The following SPTB variants were observed in gnomAD, a reference collection of about 807,000 sequenced individuals.
SPTB encodes the protein spectrin beta chain, erythrocytic.
A neutral mutation model predicts 256.2 loss-of-function variants in SPTB; 45 were observed. The ratio of observed to expected loss-of-function variants is 0.18; its 90% CI spans 0.14 to 0.23. The LOEUF is 0.23. Among genes scored for constraint, SPTB ranks in the 10% least tolerant of loss-of-function variants. The pLI is 1.00. For missense variants in SPTB, 2,715 were observed against 3,040.4 expected (o/e 0.89, Z 2.52); for synonymous variants, 1,231 against 1,243.1 (o/e 0.99, Z 0.21).
chr14:64,786,535 C>T lies in SPTB; in HGVS notation c.3430G>A (p.Glu1144Lys). The part of the protein sequence containing the change: ...PEYLLLGQRL[E>K]GLDTGWNALG... Reference sequence around the variant, plus strand: ...GCATTCCAGCCAGTATCCAGGCCCTCCAGCCGCTGGCCCAGAAGCAGATAC... The same window carrying T: ...GCATTCCAGCCAGTATCCAGGCCCTTCAGCCGCTGGCCCAGAAGCAGATAC... Residue 1144 changes from glutamate to lysine, a missense_variant, in exon 16 of 36, where the codon GAG becomes AAG. Glu to Lys is a moderately conservative substitution (Grantham distance 56, BLOSUM62 1). Transcript: ENST00000644917. The surrounding 1 kb of genome is among the most constrained non-coding windows in gnomAD (Gnocchi z 5.6). The T allele has an allele frequency of 6.2e-7, 1 of 1,614,208 alleles. No individual in the cohort carries two copies. The highest frequency in any genetic ancestry group is 8.5e-7 in the Non-Finnish European group (1 of 1,180,040).
chr14:64,872,161 C>A (rs1882570575), intron 1 of SPTB, among the ~76,000 whole-genome samples: 1 of 152,158 alleles, frequency 6.6e-6, no homozygotes, highest in Admixed American at 6.6e-5. Context: ...AAAAAAATAG[C>A]CCATGGTACA....
Position 64,772,443 on chromosome 14 carries a change from C to T in SPTB, c.5553+137G>A. Reference sequence around the variant, plus strand: ...CATCTGAAAGCCACTGCTCCCAGCCCTGAGCTCCTGGCTGTCTAAGGAGGC... The same window carrying T: ...CATCTGAAAGCCACTGCTCCCAGCCTTGAGCTCCTGGCTGTCTAAGGAGGC... On this transcript the variant is annotated intron_variant, in intron 26 of 35. Transcript: ENST00000644917. This position sits in a 1 kb window ranked among gnomAD's most constrained non-coding sequence, Gnocchi z 5.4. The T allele has an allele frequency of 8.3e-7, 1 of 1,210,644 alleles. No homozygotes were observed. Among genetic ancestry groups the T allele is most frequent in the South Asian group, 1.5e-5 (1 of 67,316 alleles). 75.0% of individuals were successfully genotyped at this position (1,210,644 alleles called of 1,614,324 possible). A position where few individuals can be genotyped will look rare whatever the true frequency, so the allele number is the denominator to read the frequency against.
intron 9 of SPTB, among the ~76,000 whole-genome samples, chr14:64,798,253 T>C (rs1048761159): frequency 2.0e-5 from 3 of 152,194 alleles, no homozygotes; most frequent in East Asian, 1.9e-4. Flanking sequence ...CAGTTCCTTA[T>C]TAAGTGAGTC....
rs563587857 is a variant in SPTB, at chr14:64,822,816, G to A, written c.148+131C>T. On this transcript the variant is annotated intron_variant, in intron 2 of 35. Coordinates refer to ENST00000644917, the MANE Select transcript of SPTB (RefSeq NM_001355436.2). ...AGGGGACCCCCACCTCCCTGAGCCCGACAAACACGTCTCCATCACTGCCAT... is the reference window on the plus strand; with the variant it reads ...AGGGGACCCCCACCTCCCTGAGCCCAACAAACACGTCTCCATCACTGCCAT... 620 of 1,417,900 alleles carry A rather than the reference G, an allele frequency of 4.4e-4. 2 individuals are homozygous for A. In the African/African-American group the frequency reaches 7.0e-3, roughly 16 times the overall value. 87.8% of individuals were successfully genotyped at this position (1,417,900 alleles called of 1,614,324 possible). A position where few individuals can be genotyped will look rare whatever the true frequency, so the allele number is the denominator to read the frequency against.
intron 2 of SPTB, among the ~76,000 whole-genome samples, chr14:64,815,300 C>T (rs76857639): frequency 1.2e-3 from 177 of 145,150 alleles, no homozygotes; most frequent in African/African-American, 4.4e-3. Context: ...TCCCATGAAG[C>T]GCGAAGGAGC....
chr14:64,817,887 G>A (rs7157997), intron 2 of SPTB, among the ~76,000 whole-genome samples: 1 of 152,234 alleles, frequency 6.6e-6, no homozygotes, highest in Non-Finnish European at 1.5e-5. Context: ...TTAACCTCGG[G>A]ACCTGCATGC....
rs1290204834 is a variant in SPTB, at chr14:64,806,943, G to A, written c.149-1853C>T. Reference sequence around the variant, plus strand: ...CTGGGCCTCTGTGCAAAGTTTCAGCGAGAAAACTCCCCTTACCCTTTTGTC... The same window carrying A: ...CTGGGCCTCTGTGCAAAGTTTCAGCAAGAAAACTCCCCTTACCCTTTTGTC... On this transcript the variant is annotated intron_variant, in intron 2 of 35. Coordinates refer to ENST00000644917, the MANE Select transcript of SPTB (RefSeq NM_001355436.2). This position sits in a 1 kb window ranked among gnomAD's most constrained non-coding sequence, Gnocchi z 4.1. 6.6e-6 allele frequency among the ~76,000 whole-genome samples: 1 copy of A among 152,168 alleles called. No homozygotes were observed. The highest frequency in any genetic ancestry group is 1.5e-5 in the Non-Finnish European group (1 of 68,034).
Position 64,779,090 on chromosome 14 carries a change from T to C in SPTB, c.4563+67A>G. On this transcript the variant is annotated intron_variant, in intron 22 of 35. Coordinates refer to ENST00000644917, the MANE Select transcript of SPTB (RefSeq NM_001355436.2). This position sits in a 1 kb window ranked among gnomAD's most constrained non-coding sequence, Gnocchi z 4.2. ...GCCTTCTGCAGGTCAGGGCTGGGCC[T>C]ACCCCCGTGGGGCCAGGTGGGGGTG... 1 of 1,304,672 alleles carries C rather than the reference T, an allele frequency of 7.7e-7. No individual in the cohort carries two copies. Among genetic ancestry groups the C allele is most frequent in the Non-Finnish European group, 1.1e-6 (1 of 928,508 alleles). The allele number at this position is 1,304,672 out of a possible 1,614,324, so 80.8% of individuals were successfully genotyped here. A position where few individuals can be genotyped will look rare whatever the true frequency, so the allele number is the denominator to read the frequency against.
In SPTB at chr14:64,779,120, GGGGT is replaced by G. The variant is rs757401603; in HGVS notation, c.4563+33_4563+36del. On this transcript the variant is annotated intron_variant, in intron 22 of 35. Transcript: ENST00000644917. The surrounding 1 kb of genome is among the most constrained non-coding windows in gnomAD (Gnocchi z 4.2). Reference sequence around the variant, plus strand: ...CCGTGGGGCCAGGTGGGGGTGAGGAGGGGTGGGTGGGGCTGGTGAGGTGACGCAG... The same window carrying G: ...CCGTGGGGCCAGGTGGGGGTGAGGAGGGGTGGGGCTGGTGAGGTGACGCAG... The G allele has an allele frequency of 1.9e-6, 3 of 1,578,056 alleles. No individual in the cohort carries two copies. Among genetic ancestry groups the G allele is most frequent in the South Asian group, 1.1e-5 (1 of 88,856 alleles).
intron 29 of SPTB, 110 bp from the exon 30 acceptor site, chr14:64,767,969 T>C: frequency 8.1e-7 from 1 of 1,231,924 alleles, no homozygotes. Flanking sequence ...TGAATAGGTG[T>C]CCCTAAACCA....
At chr14:64,860,064 C>G (rs961829754) in intron 1 of SPTB, among the ~76,000 whole-genome samples, 2 of 152,116 alleles carry the variant, frequency 1.3e-5, no homozygotes, top group Non-Finnish European at 2.9e-5. Context: ...AGAATTGCAG[C>G]AAATATGGCC....
Position 64,749,435 on chromosome 14 carries a change from G to A in SPTB, c.6858C>T (p.Ala2286=). ...MLSWLQGVST[A]INESQSIRVK... The stretch of plus-strand genomic sequence containing the variant: ...CGCGGATGCTCTGGGACTCGTTGAT[G>A]GCGGTGCTCACGCCCTGCAGCCAGG... Residue 2286 remains alanine, a synonymous_variant, in exon 36 of 36, where the codon GCC becomes GCT. Coordinates refer to ENST00000644917, the MANE Select transcript of SPTB (RefSeq NM_001355436.2). This position sits in a 1 kb window ranked among gnomAD's most constrained non-coding sequence, Gnocchi z 4.7. 1 of 1,604,288 alleles carries A rather than the reference G, an allele frequency of 6.2e-7. No homozygotes were observed. Among genetic ancestry groups the A allele is most frequent in the Non-Finnish European group, 8.5e-7 (1 of 1,179,076 alleles).
At position 64,779,516 on chromosome 14, in the gene SPTB, G is replaced by A. The variant is rs1275749658; in HGVS notation, c.4473+209C>T. Among the ~76,000 whole-genome samples, 4 of 152,198 alleles carry A rather than the reference G, an allele frequency of 2.6e-5. No homozygotes were observed. Among genetic ancestry groups the A allele is most frequent in the African/African-American group, 4.8e-5 (2 of 41,430 alleles). On this transcript the variant is annotated intron_variant, in intron 21 of 35. Coordinates refer to ENST00000644917, the MANE Select transcript of SPTB (RefSeq NM_001355436.2). The surrounding 1 kb of genome is among the most constrained non-coding windows in gnomAD (Gnocchi z 4.2). ...CTGACCCAAGTCCATGCTCTTCACC[G>A]AGCAATACTAGCAAGTGAACAGTGC...
At chr14:64,843,579 C>T (rs747311710) in intron 1 of SPTB, among the ~76,000 whole-genome samples, 2 of 152,118 alleles carry the variant, frequency 1.3e-5, no homozygotes, top group Admixed American at 6.6e-5. Flanking sequence ...CCTTAGTCTC[C>T]GGTAGTAGGA....
In SPTB at chr14:64,794,576, C is replaced by A. The variant is rs765778666; in HGVS notation, c.1686G>T (p.Glu562Asp). 3.1e-6 allele frequency: 5 copies of A among 1,614,074 alleles called. No homozygotes were observed. Among genetic ancestry groups the A allele is most frequent in the Non-Finnish European group, 4.2e-6 (5 of 1,180,040 alleles). Residue 562 changes from glutamate to aspartate, a missense_variant, in exon 13 of 36, where the codon GAG becomes GAT. By Grantham distance (45) the Glu-to-Asp change is conservative. Coordinates refer to ENST00000644917, the MANE Select transcript of SPTB (RefSeq NM_001355436.2). ...TGTGCTTCTGTAGCAGGTCTTCAACCTCCAACAAGTGCTTCCCAAACTCGG... is the reference window on the plus strand; with the variant it reads ...TGTGCTTCTGTAGCAGGTCTTCAACATCCAACAAGTGCTTCCCAAACTCGG... ...LSAEFGKHLL[E>D]VEDLLQKHKL...
At chr14:64,830,517 G>A (rs17102190) in intron 1 of SPTB, among the ~76,000 whole-genome samples, 9,150 of 151,918 alleles carry the variant, frequency 0.06, 339 homozygotes, top group Middle Eastern at 0.092. Context: ...CCTGACCCAC[G>A]CACTCAGTTA....
chr14:64,791,098 T>C (rs1221401248), intron 15 of SPTB, among the ~76,000 whole-genome samples: 1 of 152,170 alleles, frequency 6.6e-6, no homozygotes, highest in Non-Finnish European at 1.5e-5. Context: ...GATTCTAAGT[T>C]TGGGCACACT....
At chr14:64,851,487 C>G (rs920678096) in intron 1 of SPTB, among the ~76,000 whole-genome samples, 2 of 151,966 alleles carry the variant, frequency 1.3e-5, no homozygotes, top group African/African-American at 4.8e-5. Context: ...GTAGCAGTAG[C>G]AGCAGCAGCA....
intron 33 of SPTB, among the ~76,000 whole-genome samples, chr14:64,753,082 G>A (rs1057499673): frequency 6.6e-6 from 1 of 152,148 alleles, no homozygotes; most frequent in Non-Finnish European, 1.5e-5. Context: ...TGAGGACACC[G>A]AGGCCTAGAC....
Sources: gnomAD v4.1 joint callset for allele counts (sites outside exome capture counted in the v4.1 genomes callset) on GRCh38, gnomAD v4.1.1 for gene constraint, Gnocchi (gnomAD v3.1) non-coding constraint, MANE v1.5 for transcripts, NCBI Gene and HGNC (gene_info 2026-07-23, HGNC 2026-07-21) for gene names.